Variants in AGTPBP1 observed in about 807,000 individuals in gnomAD.
AGTPBP1 encodes cytosolic carboxypeptidase 1.
AGTPBP1 carries 70 observed loss-of-function variants against 143.9 expected under a neutral mutation model. That is an observed-to-expected ratio of 0.49 (90% CI 0.40 to 0.59). AGTPBP1 has a LOEUF of 0.59. Among genes scored for constraint, AGTPBP1 ranks in the 20% least tolerant of loss-of-function variants. The pLI, the probability that AGTPBP1 is intolerant of heterozygous loss-of-function variation, is 0.00. For synonymous variants in AGTPBP1, 463 were observed against 500.2 expected (o/e 0.93, Z 0.99); for missense variants, 1,229 against 1,464.5 (o/e 0.84, Z 2.62).
chr9:85,764,840 C>G, the AGTPBP1 span: 8 of 1,315,666 alleles, frequency 6.1e-6, no homozygotes, highest in African/African-American at 1.2e-4. Context: ...AGTTGAAGTC[C>G]TCCAGAAAGA....
At chr9:85,760,726 C>G in the AGTPBP1 span, among the ~76,000 whole-genome samples, 1 of 152,198 alleles carries the variant, frequency 6.6e-6, no homozygotes, top group Non-Finnish European at 1.5e-5. Flanking sequence ...GGGATGCCCT[C>G]TCTCACCACT....
In AGTPBP1 at chr9:85,660,921, T is replaced by C. The variant is rs551386918; in HGVS notation, c.700+15A>G. On this transcript the variant is annotated intron_variant, in intron 9 of 25. Coordinates refer to ENST00000357081, the MANE Select transcript of AGTPBP1 (RefSeq NM_001330701.2). ...GAAAAATAGTATCTAGTATTTCTAG[T>C]ATTTAAAAACTTACTTGATTTTAGC... 5 of 1,554,868 alleles carry C rather than the reference T, an allele frequency of 3.2e-6. No homozygotes were observed. The South Asian group carries it at 3.6e-5, about 11-fold the overall frequency.
At chr9:85,778,414 T>C in the AGTPBP1 span, among the ~76,000 whole-genome samples, 1 of 152,170 alleles carries the variant, frequency 6.6e-6, no homozygotes, top group African/African-American at 2.4e-5. Flanking sequence ...GATTCACCTA[T>C]GGGGGTCTGC....
intron 1 of AGTPBP1, among the ~76,000 whole-genome samples, chr9:85,729,682 T>C (rs879434978): frequency 2.0e-5 from 3 of 146,786 alleles, no homozygotes; most frequent in Non-Finnish European, 4.5e-5. Flanking sequence ...CACAACTCAA[T>C]AGCAAAAAAA....
At chr9:85,559,451 C>CT (rs537702007) in intron 25 of AGTPBP1, among the ~76,000 whole-genome samples, 2,710 of 140,372 alleles carry the variant, frequency 0.019, 67 homozygotes, top group African/African-American at 0.06. Flanking sequence ...AAAAAAAAAT[C>CT]TTTTTTTTTT....
At chr9:85,737,776 C>G (rs1391675119) in intron 1 of AGTPBP1, among the ~76,000 whole-genome samples, 1 of 152,142 alleles carries the variant, frequency 6.6e-6, no homozygotes, top group African/African-American at 2.4e-5. Context: ...GGCATCTAAC[C>G]TTTAAGAAAT....
At chr9:85,633,399 T>C (rs766710516) in intron 13 of AGTPBP1, 25 bp from the exon 14 acceptor site, 13 of 1,460,528 alleles carry the variant, frequency 8.9e-6, no homozygotes, top group East Asian at 4.6e-5. Flanking sequence ...ACATGTTTAA[T>C]CTTTTAACTG....
intron 13 of AGTPBP1, among the ~76,000 whole-genome samples, chr9:85,634,944 T>C (rs1169106665): frequency 6.6e-6 from 1 of 152,126 alleles, no homozygotes; most frequent in Non-Finnish European, 1.5e-5. Context: ...CATTCGATAC[T>C]ATGGTTTTTT....
intron 1 of AGTPBP1, among the ~76,000 whole-genome samples, chr9:85,732,965 G>A (rs1004808281): frequency 6.6e-6 from 1 of 152,052 alleles, no homozygotes; most frequent in South Asian, 2.1e-4. Context: ...CAAAATATAT[G>A]AAGTAGTTAC....
intron 7 of AGTPBP1, among the ~76,000 whole-genome samples, chr9:85,672,238 T>C (rs1834530761): frequency 6.6e-6 from 1 of 152,074 alleles, no homozygotes; most frequent in Non-Finnish European, 1.5e-5. Flanking sequence ...CCAGCTAATT[T>C]TTGTATTTTT....
chr9:85,628,851 G>C (rs1391125327), intron 14 of AGTPBP1, among the ~76,000 whole-genome samples: 1 of 152,114 alleles, frequency 6.6e-6, no homozygotes, highest in African/African-American at 2.4e-5. Context: ...GAGTAACTGG[G>C]ACTACAGGCA....
At chr9:85,715,578 G>C (rs1334582059) in intron 1 of AGTPBP1, among the ~76,000 whole-genome samples, 1 of 152,156 alleles carries the variant, frequency 6.6e-6, no homozygotes, top group Non-Finnish European at 1.5e-5. Flanking sequence ...TTCACTAAAG[G>C]AACAGACAAC....
At chr9:85,646,918 A>G (rs1832845024) in intron 11 of AGTPBP1, among the ~76,000 whole-genome samples, 1 of 151,992 alleles carries the variant, frequency 6.6e-6, no homozygotes, top group Admixed American at 6.6e-5. Flanking sequence ...CACTAATACC[A>G]ACGATAGCTG....
chr9:85,585,075 T>C (rs755267530), intron 23 of AGTPBP1, among the ~76,000 whole-genome samples: 1 of 152,150 alleles, frequency 6.6e-6, no homozygotes, highest in African/African-American at 2.4e-5. Context: ...ATATTAATTA[T>C]AAGCCTACAG....
At chr9:85,556,100 G>T (rs1826323914) in intron 25 of AGTPBP1, among the ~76,000 whole-genome samples, 1 of 152,086 alleles carries the variant, frequency 6.6e-6, no homozygotes, top group African/African-American at 2.4e-5. Context: ...GTTTACCTAT[G>T]TAACAAACCT....
At chr9:85,638,695 A>T (rs1832248891) in intron 13 of AGTPBP1, among the ~76,000 whole-genome samples, 2 of 151,980 alleles carry the variant, frequency 1.3e-5, no homozygotes, top group Admixed American at 1.3e-4. Context: ...AGAGGTAAAG[A>T]TAGTAACTTC....
At chr9:85,781,490 C>T in the AGTPBP1 span, 6 of 1,097,356 alleles carry the variant, frequency 5.5e-6, no homozygotes, top group Non-Finnish European at 7.3e-6. Context: ...TTCTATTTGT[C>T]TCTGTAAACA....
At chr9:85,564,259 G>T (rs1033532457) in intron 25 of AGTPBP1, among the ~76,000 whole-genome samples, 3 of 152,250 alleles carry the variant, frequency 2.0e-5, no homozygotes, top group Non-Finnish European at 4.4e-5. Flanking sequence ...TGCAGCTAAA[G>T]ATCATTTTCA....
chr9:85,668,355 C>T (rs1206746756), intron 8 of AGTPBP1, among the ~76,000 whole-genome samples: 1 of 151,464 alleles, frequency 6.6e-6, no homozygotes, highest in Non-Finnish European at 1.5e-5. Flanking sequence ...AAGTAAGTAT[C>T]AGGAGGGAGA....
Sources: gnomAD v4.1 joint callset for allele counts (sites outside exome capture counted in the v4.1 genomes callset) on GRCh38, gnomAD v4.1.1 for gene constraint, MANE v1.5 for transcripts, NCBI Gene and HGNC (gene_info 2026-07-23, HGNC 2026-07-21) for gene names.